The following TBC1D22B variants were observed in gnomAD, a reference collection of about 807,000 sequenced individuals.
TBC1D22B encodes the protein chromosome 6 open reading frame 197.
A neutral mutation model predicts 69.1 loss-of-function variants in TBC1D22B; 32 were observed. The observed-to-expected ratio is 0.46, with a 90% CI of 0.35 to 0.62. TBC1D22B has a LOEUF of 0.62. Ranked by LOEUF, TBC1D22B falls within the 20% of genes least tolerant of loss-of-function variation. The pLI, the probability that TBC1D22B is intolerant of heterozygous loss-of-function variation, is 0.00. For missense variants in TBC1D22B, 462 were observed against 630.9 expected (o/e 0.73, Z 2.87); for synonymous variants, 206 against 229.8 (o/e 0.90, Z 0.94).
intron 8 of TBC1D22B, among the ~76,000 whole-genome samples, chr6:37,301,095 C>T (rs1393607098): frequency 2.6e-5 from 4 of 152,190 alleles, no homozygotes; most frequent in African/African-American, 9.7e-5. Flanking sequence ...TTTTACTTTG[C>T]ATAATGTCTT....
chr6:37,315,476 G>A (rs1051096606), intron 10 of TBC1D22B, among the ~76,000 whole-genome samples: 5 of 152,130 alleles, frequency 3.3e-5, no homozygotes, highest in Non-Finnish European at 2.9e-5. Flanking sequence ...AGGATCACTC[G>A]AGCCCAGGAG....
intron 10 of TBC1D22B, 123 bp downstream of exon 10, chr6:37,314,014 T>A: frequency 1.2e-6 from 1 of 856,630 alleles, no homozygotes; most frequent in Non-Finnish European, 2.0e-6. Context: ...GCGCACTGAG[T>A]GCTGCTGGCA....
intron 8 of TBC1D22B, among the ~76,000 whole-genome samples, chr6:37,312,111 G>T (rs957396798): frequency 6.6e-6 from 1 of 152,184 alleles, no homozygotes; most frequent in Non-Finnish European, 1.5e-5. Flanking sequence ...AAGAGGTCTC[G>T]TGGCTAGATA....
At chr6:37,301,624 T>G (rs770255957) in intron 8 of TBC1D22B, among the ~76,000 whole-genome samples, 1 of 152,240 alleles carries the variant, frequency 6.6e-6, no homozygotes, top group Admixed American at 6.5e-5. Context: ...CTACATCTTA[T>G]TTACCTGTCA....
At chr6:37,278,799 GGTGTACACCTGTAGTCCCA>G (rs1766739066) in intron 2 of TBC1D22B, among the ~76,000 whole-genome samples, 1 of 152,058 alleles carries the variant, frequency 6.6e-6, no homozygotes, top group African/African-American at 2.4e-5. Flanking sequence ...CAGGCATCGT[GGTGTACACCTGTAGTCCCA>G]GCTACTCAAG....
chr6:37,280,205 T>C (rs1766782148), intron 3 of TBC1D22B, among the ~76,000 whole-genome samples: 1 of 152,220 alleles, frequency 6.6e-6, no homozygotes, highest in South Asian at 2.1e-4. Context: ...TAATGGTTGA[T>C]GTGTTGGTGG....
At chr6:37,284,831 G>C (rs1766953615) in intron 6 of TBC1D22B, among the ~76,000 whole-genome samples, 1 of 151,804 alleles carries the variant, frequency 6.6e-6, no homozygotes, top group Non-Finnish European at 1.5e-5. Flanking sequence ...GCTGCTGCTG[G>C]TCCACCAACC....
intron 8 of TBC1D22B, among the ~76,000 whole-genome samples, chr6:37,297,429 T>G (rs1156368007): frequency 1.3e-5 from 2 of 152,192 alleles, no homozygotes; most frequent in Non-Finnish European, 2.9e-5. Flanking sequence ...CTGATTTCCT[T>G]TAGTAGGGCC....
rs754363826 is a variant in TBC1D22B, at chr6:37,312,914, A to G, written c.983-4A>G. On this transcript the variant is annotated splice_region_variant and splice_polypyrimidine_tract_variant and intron_variant, in intron 8 of 12. Coordinates refer to ENST00000373491, the MANE Select transcript of TBC1D22B (RefSeq NM_017772.4). ...CTGGACTTTCTTCACCTTTTGTTTT[A>G]CAGAAGAGGATGTGGAGAACTTTGA... is the stretch of plus-strand genomic sequence containing the variant. 16 of 1,611,714 alleles carry G rather than the reference A, an allele frequency of 9.9e-6. No individual in the cohort carries two copies. Among genetic ancestry groups the G allele is most frequent in the Non-Finnish European group, 1.4e-5 (16 of 1,178,038 alleles).
chr6:37,296,910 T>C lies in TBC1D22B; in HGVS notation c.982+5553T>C, dbSNP rs1011230971. Among the ~76,000 whole-genome samples, 4 of 152,004 alleles carry C rather than the reference T, an allele frequency of 2.6e-5. 1 individual carries two copies. Among genetic ancestry groups the C allele is most frequent in the South Asian group, 2.1e-4 (1 of 4,832 alleles). On this transcript the variant is annotated intron_variant, in intron 8 of 12. Transcript: ENST00000373491. ...GGCACGATCTCAGCTCACTGCAAGC[T>C]CCATCTCCCGGGCTCAAGCAATCCT...
At chr6:37,291,177 A>G in intron 7 of TBC1D22B, 66 bp from the exon 8 acceptor site, 1 of 1,133,936 alleles carries the variant, frequency 8.8e-7, no homozygotes, top group Admixed American at 1.9e-5. Flanking sequence ...TGAAGTAGGT[A>G]AACGGAGGGA....
intron 8 of TBC1D22B, among the ~76,000 whole-genome samples, chr6:37,292,345 A>G (rs553580309): frequency 2.6e-5 from 4 of 152,320 alleles, no homozygotes; most frequent in Non-Finnish European, 4.4e-5. Context: ...GAAATGTCTC[A>G]CTTGGCCTAT....
At chr6:37,327,731 A>G (rs1768469942) in intron 12 of TBC1D22B, among the ~76,000 whole-genome samples, 1 of 151,988 alleles carries the variant, frequency 6.6e-6, no homozygotes, top group Non-Finnish European at 1.5e-5. Flanking sequence ...TGGTTGAGTG[A>G]ATTTCCGTAA....
At chr6:37,321,430 T>C (rs556835731) in intron 12 of TBC1D22B, among the ~76,000 whole-genome samples, 1 of 152,346 alleles carries the variant, frequency 6.6e-6, no homozygotes, top group South Asian at 2.1e-4. Flanking sequence ...CATTGGAGGT[T>C]GCTAGCAGGC....
chr6:37,281,774 C>T (rs1402972880), intron 3 of TBC1D22B, among the ~76,000 whole-genome samples: 1 of 152,230 alleles, frequency 6.6e-6, no homozygotes, highest in East Asian at 1.9e-4. Context: ...CTAAACTAAA[C>T]TCACTATTTG....
intron 12 of TBC1D22B, among the ~76,000 whole-genome samples, chr6:37,326,612 C>A (rs1423375642): frequency 3.3e-5 from 5 of 151,884 alleles, no homozygotes; most frequent in Non-Finnish European, 2.9e-5. Flanking sequence ...ACGGTGAAAC[C>A]CCGTCTCTAC....
At chr6:37,330,950 G>T in intron 12 of TBC1D22B, 94 bp from the exon 13 acceptor site, 1 of 1,401,966 alleles carries the variant, frequency 7.1e-7, no homozygotes. Context: ...CAGGAGGAAG[G>T]GGCCCCATTC....
intron 12 of TBC1D22B, among the ~76,000 whole-genome samples, chr6:37,327,547 A>G (rs1049541657): frequency 6.6e-5 from 10 of 152,116 alleles, no homozygotes; most frequent in Admixed American, 3.3e-4. Flanking sequence ...CAAACAAAAC[A>G]AACAAAAAAA....
chr6:37,297,773 T>C (rs1228276179), intron 8 of TBC1D22B, among the ~76,000 whole-genome samples: 1 of 152,212 alleles, frequency 6.6e-6, no homozygotes, highest in East Asian at 1.9e-4. Context: ...CTGTTCACAA[T>C]AGTAAAGACT....
Sources: allele counts gnomAD v4.1 joint callset (sites outside exome capture counted in the v4.1 genomes callset), GRCh38; gene constraint gnomAD v4.1.1; transcripts MANE v1.5; gene names NCBI Gene and HGNC (gene_info 2026-07-23, HGNC 2026-07-21).